The following MATCAP2 variants were observed in gnomAD, a reference collection of about 807,000 sequenced individuals.
MATCAP2 encodes microtubule associated tyrosine carboxypeptidase 2.
the MATCAP2 span, among the ~76,000 whole-genome samples, chr7:36,360,560 G>GAA: frequency 6.6e-6 from 1 of 152,144 alleles, no homozygotes; most frequent in East Asian, 1.9e-4. Context: ...GATAGCCCAT[G>GAA]AAGTTCATAA....
the MATCAP2 span, among the ~76,000 whole-genome samples, chr7:36,389,513 C>T: frequency 1.3e-5 from 2 of 152,230 alleles, no homozygotes; most frequent in African/African-American, 4.8e-5. Context: ...TAAGCATGCG[C>T]CACTACTCCC....
chr7:36,325,525 C>T, the MATCAP2 span: 1 of 152,190 alleles, frequency 6.6e-6, no homozygotes, highest in Non-Finnish European at 1.5e-5. Flanking sequence ...TTATTTAAGC[C>T]TGCACTGAGG....
the MATCAP2 span, among the ~76,000 whole-genome samples, chr7:36,379,847 CAGAGAGAG>C: frequency 1.9e-5 from 2 of 107,604 alleles, no homozygotes; most frequent in East Asian, 3.0e-4. Flanking sequence ...CACACACACA[CAGAGAGAG>C]AGAGAGAGAG....
chr7:36,390,072 C>T, the MATCAP2 span: 4 of 1,613,218 alleles, frequency 2.5e-6, no homozygotes, highest in Admixed American at 5.0e-5. Flanking sequence ...TGCAGCCAGC[C>T]ATGACCCACC....
the MATCAP2 span, among the ~76,000 whole-genome samples, chr7:36,370,307 A>C: frequency 1.3e-5 from 2 of 152,208 alleles, no homozygotes; most frequent in Non-Finnish European, 2.9e-5. Context: ...CCACAAGAAC[A>C]ATGAACAATC....
the MATCAP2 span, among the ~76,000 whole-genome samples, chr7:36,347,185 T>A: frequency 4.4e-4 from 67 of 152,290 alleles, 1 homozygote; most frequent in Admixed American, 1.8e-3. Context: ...TCGAATAGCA[T>A]AATTTAACAT....
chr7:36,359,440 C>G, the MATCAP2 span, among the ~76,000 whole-genome samples: 1 of 152,144 alleles, frequency 6.6e-6, no homozygotes, highest in Non-Finnish European at 1.5e-5. Context: ...AGAGACAGTA[C>G]TAAAGTAGAT....
At chr7:36,340,304 T>C in the MATCAP2 span, among the ~76,000 whole-genome samples, 6 of 152,228 alleles carry the variant, frequency 3.9e-5, no homozygotes, top group Non-Finnish European at 8.8e-5. Flanking sequence ...TAGAGAATTA[T>C]GAAAAACTTA....
the MATCAP2 span, chr7:36,389,967 T>A: frequency 6.2e-7 from 1 of 1,614,060 alleles, no homozygotes; most frequent in East Asian, 2.2e-5. Flanking sequence ...TGAGACTCAC[T>A]TTTCTCTTCC....
At chr7:36,363,868 T>C in the MATCAP2 span, among the ~76,000 whole-genome samples, 1 of 152,188 alleles carries the variant, frequency 6.6e-6, no homozygotes, top group Non-Finnish European at 1.5e-5. Context: ...TTGTTAACTA[T>C]TATTAGTATC....
At chr7:36,349,533 C>T in the MATCAP2 span, among the ~76,000 whole-genome samples, 1 of 152,194 alleles carries the variant, frequency 6.6e-6, no homozygotes. Context: ...CTCCACACAC[C>T]CACCCCACAC....
the MATCAP2 span, among the ~76,000 whole-genome samples, chr7:36,379,847 C>CACACACAGAGAGAGAGAGAG: frequency 1.9e-5 from 2 of 107,604 alleles, no homozygotes; most frequent in South Asian, 6.6e-4. Context: ...CACACACACA[C>CACACACAGAGAGAGAGAGAG]AGAGAGAGAG....
At chr7:36,335,213 A>G in the MATCAP2 span, 2 of 1,603,238 alleles carry the variant, frequency 1.2e-6, no homozygotes, top group Non-Finnish European at 1.7e-6. Context: ...CAGACATAAA[A>G]CAAAACATAA....
At chr7:36,336,052 C>T in the MATCAP2 span, 2 of 862,406 alleles carry the variant, frequency 2.3e-6, no homozygotes, top group Non-Finnish European at 3.1e-6. Flanking sequence ...GTCTGGGCAA[C>T]AGAGCGAGAC....
chr7:36,336,351 G>A, the MATCAP2 span: 1 of 1,268,550 alleles, frequency 7.9e-7, no homozygotes, highest in Non-Finnish European at 1.1e-6. Flanking sequence ...ACTTTGAGAT[G>A]TCATAAGCTA....
At chr7:36,328,767 C>T in the MATCAP2 span, among the ~76,000 whole-genome samples, 9 of 150,916 alleles carry the variant, frequency 6.0e-5, no homozygotes, top group Admixed American at 4.6e-4. Flanking sequence ...AATAAATAGC[C>T]GGGAGCGGTG....
At chr7:36,328,014 G>A in the MATCAP2 span, among the ~76,000 whole-genome samples, 1 of 151,970 alleles carries the variant, frequency 6.6e-6, no homozygotes, top group Admixed American at 6.6e-5. Context: ...GTCTCTCACA[G>A]GTACTTATAT....
the MATCAP2 span, among the ~76,000 whole-genome samples, chr7:36,372,858 A>G: frequency 6.6e-6 from 1 of 152,226 alleles, no homozygotes; most frequent in South Asian, 2.1e-4. Context: ...TAATCCCAAC[A>G]CTTTGGGAGG....
chr7:36,328,180 C>A, the MATCAP2 span, among the ~76,000 whole-genome samples: 1 of 146,552 alleles, frequency 6.8e-6, no homozygotes, highest in African/African-American at 2.6e-5. Context: ...GCGATCCTTC[C>A]CATTTAGCCT....
Sources: allele counts gnomAD v4.1 joint callset (sites outside exome capture counted in the v4.1 genomes callset), GRCh38; gene constraint gnomAD v4.1.1; transcripts MANE v1.5; gene names NCBI Gene and HGNC (gene_info 2026-07-23, HGNC 2026-07-21).